CD81: variants seen among roughly 807,000 people sequenced by gnomAD.
CD81 encodes the protein CD81 antigen.
A neutral mutation model predicts 30.1 loss-of-function variants in CD81; 10 were observed. That is an observed-to-expected ratio of 0.33 (90% CI 0.21 to 0.56). The LOEUF is 0.56. Among genes scored for constraint, CD81 ranks in the 20% least tolerant of loss-of-function variants. The probability of loss-of-function intolerance (pLI) is 0.89; values close to 1 mark genes in which losing one functional copy is unlikely to be tolerated. For synonymous variants in CD81, 147 were observed against 126.4 expected (o/e 1.16, Z -1.10); for missense variants, 263 against 308.7 (o/e 0.85, Z 1.11).
intron 1 of CD81, chr11:2,384,583 G>T: frequency 6.1e-6 from 1 of 163,762 alleles, no homozygotes; most frequent in African/African-American, 2.4e-5. Context: ...CCGGCCACTT[G>T]GGAGGCGGGG....
chr11:2,386,179 T>A, intron 1 of CD81: 1 of 717,350 alleles, frequency 1.4e-6, no homozygotes. Flanking sequence ...TTCATGTGCT[T>A]TTTTGCTGTG....
intron 1 of CD81, chr11:2,390,104 T>C (rs1849871017): frequency 9.8e-6 from 5 of 508,206 alleles, no homozygotes; most frequent in Admixed American, 6.4e-5. Context: ...TAAAGAAGTA[T>C]TCTGTTTTCA....
intron 6 of CD81, 152 bp from the exon 7 acceptor site, chr11:2,396,476 C>T (rs1018307432): frequency 6.8e-6 from 5 of 738,374 alleles, no homozygotes; most frequent in African/African-American, 1.7e-5. Context: ...CGGGCCGCTG[C>T]ACCCGCCTGT....
chr11:2,395,088 G>C lies in CD81; in HGVS notation c.354+42G>C, dbSNP rs770050563. 9.3e-6 allele frequency: 14 copies of C among 1,504,908 alleles called. No homozygotes were observed. In the African/African-American group the frequency reaches 9.6e-5, roughly 10 times the overall value. The allele number at this position is 1,504,908 out of a possible 1,614,324, so 93.2% of individuals were successfully genotyped here. A position where few individuals can be genotyped will look rare whatever the true frequency, so the allele number is the denominator to read the frequency against. On this transcript the variant is annotated intron_variant, in intron 4 of 7. Transcript: ENST00000263645. Reference sequence around the variant, plus strand: ...AGGGACAGGGTGGGGTGGGTGACGGGGGCACCCTCCTCTCCTGTCGCGGGT... The same window carrying C: ...AGGGACAGGGTGGGGTGGGTGACGGCGGCACCCTCCTCTCCTGTCGCGGGT...
In CD81 at chr11:2,378,595, G is replaced by GAA. The variant is rs149245999; in HGVS notation, c.66+980_66+981insAA. On this transcript the variant is annotated intron_variant, in intron 1 of 7. Transcript: ENST00000263645. The surrounding 1 kb of genome is among the most constrained non-coding windows in gnomAD (Gnocchi z 4.9). Reference sequence around the variant, plus strand: ...CGCCTTTTGTTTCCATTTCCTGTCGGTGTTAGAATTGGGGAGGGGGTGGAA... The same window carrying GAA: ...CGCCTTTTGTTTCCATTTCCTGTCGGAATGTTAGAATTGGGGAGGGGGTGGAA... Among the ~76,000 whole-genome samples, 4,543 of 152,284 alleles carry GAA rather than the reference G, an allele frequency of 0.03. 237 individuals carry two copies. The highest frequency in any genetic ancestry group is 0.1 in the African/African-American group (4,258 of 41,538).
rs1589853586 is a variant in CD81 at position 2,394,966 on chromosome 11, C to T, written c.280-6C>T. The stretch of plus-strand genomic sequence containing the variant: ...TTTCCTCCCTCTGGCCACTGCCCGG[C>T]TCCAGTTCTTCACCTGCCTGGTCAT... On this transcript the variant is annotated splice_region_variant and splice_polypyrimidine_tract_variant and intron_variant, in intron 3 of 7. Coordinates refer to ENST00000263645, the MANE Select transcript of CD81 (RefSeq NM_004356.4). 2 of 1,612,516 alleles carry T rather than the reference C, an allele frequency of 1.2e-6. No individual in the cohort carries two copies. Among genetic ancestry groups the T allele is most frequent in the Non-Finnish European group, 1.7e-6 (2 of 1,179,832 alleles).
chr11:2,386,380 C>T lies in CD81; in HGVS notation c.67-4032C>T, dbSNP rs183022668. On this transcript the variant is annotated intron_variant, in intron 1 of 7. Coordinates refer to ENST00000263645, the MANE Select transcript of CD81 (RefSeq NM_004356.4). ...TTCCTGACTCTGGGGAACCTCTAGC[C>T]CTGCCACATGGGGTTTGTTATGGGG... 11 of 632,416 alleles carry T rather than the reference C, an allele frequency of 1.7e-5. No homozygotes were observed. The Admixed American group carries it at 1.9e-4, about 11-fold the overall frequency. The allele number at this position is 632,416 out of a possible 1,614,324, so 39.2% of individuals were successfully genotyped here.
chr11:2,393,850 G>T (rs1230873800), intron 2 of CD81: 5 of 671,610 alleles, frequency 7.4e-6, no homozygotes, highest in Non-Finnish European at 1.4e-5. Flanking sequence ...GAGCGCTCAT[G>T]AGGTGCCCAG....
rs903104198 is a variant in CD81 at position 2,381,026 on chromosome 11, TC to T, written c.66+3413del. Among the ~76,000 whole-genome samples, 9 of 152,276 alleles carry T rather than the reference TC, an allele frequency of 5.9e-5. 1 individual carries two copies. In the East Asian group the frequency reaches 1.2e-3, roughly 20 times the overall value. On this transcript the variant is annotated intron_variant, in intron 1 of 7. Coordinates refer to ENST00000263645, the MANE Select transcript of CD81 (RefSeq NM_004356.4). ...CATTTGGCACGTCTTTCGCCGTCCT[TC>T]CGGGAGAGGGGCTGCAACCCTGGCA...
intron 3 of CD81, 161 bp from the exon 4 acceptor site, chr11:2,394,811 G>A: frequency 1.4e-6 from 1 of 719,266 alleles, no homozygotes. Context: ...TAGCCTCTGT[G>A]CCCCAGGGCT....
intron 4 of CD81, 39 bp downstream of exon 4, chr11:2,395,085 C>A: frequency 2.0e-6 from 3 of 1,510,694 alleles, no homozygotes; most frequent in Non-Finnish European, 2.8e-6. Context: ...GGGTGGGTGA[C>A]GGGGGCACCC....
intron 6 of CD81, chr11:2,396,198 TG>T: frequency 4.9e-6 from 3 of 606,490 alleles, no homozygotes; most frequent in East Asian, 5.7e-5. Context: ...GTGGAGGCTC[TG>T]GGGGGTGGGA....
At chr11:2,390,564 G>T (rs1184914086) in intron 2 of CD81, 38 bp downstream of exon 2, 2 of 1,434,230 alleles carry the variant, frequency 1.4e-6, no homozygotes. Flanking sequence ...TTCAGGGAGG[G>T]CTTCTAGGAG....
Position 2,397,116 on chromosome 11 carries a change from T to C in CD81, c.*250T>C. The C allele has an allele frequency of 1.8e-6, 1 of 547,916 alleles. No individual in the cohort carries two copies. Among genetic ancestry groups the C allele is most frequent in the East Asian group, 3.1e-5 (1 of 32,064 alleles). 33.9% of individuals were successfully genotyped at this position (547,916 alleles called of 1,614,324 possible). ...TTGGGGACTGGAGGGCAGGGGTCCT[T>C]CTGCCCTGGGGTCCCAGGGTGCTCT... On this transcript the variant is annotated 3_prime_UTR_variant, in exon 8 of 8. Transcript: ENST00000263645.
At chr11:2,393,817 G>GA (rs1003915527) in intron 2 of CD81, 3 of 632,588 alleles carry the variant, frequency 4.7e-6, no homozygotes, top group African/African-American at 3.6e-5. Context: ...TCATCCCTGC[G>GA]AAGCACCTGT....
At chr11:2,395,568 G>C (rs777767472) in intron 5 of CD81, 48 bp downstream of exon 5, 4 of 1,452,658 alleles carry the variant, frequency 2.8e-6, no homozygotes, top group Admixed American at 1.7e-5. Flanking sequence ...CGGGAACCCG[G>C]CGGGGTGTGT....
At chr11:2,386,792 C>T (rs138566836) in intron 1 of CD81, among the ~76,000 whole-genome samples, 1,855 of 152,354 alleles carry the variant, frequency 0.012, 32 homozygotes, top group African/African-American at 0.042. Context: ...CCTCCTGGCC[C>T]AGCTGTTCTG....
chr11:2,396,158 G>T, intron 6 of CD81, 188 bp downstream of exon 6: 1 of 648,658 alleles, frequency 1.5e-6, no homozygotes, highest in Non-Finnish European at 2.8e-6. Flanking sequence ...GAAGGCAGGC[G>T]CCCTGTGCTG....
At chr11:2,393,601 G>A in intron 2 of CD81, 1 of 490,360 alleles carries the variant, frequency 2.0e-6, no homozygotes, top group Non-Finnish European at 3.7e-6. Context: ...CACCACACTG[G>A]GGAGGCAGCA....
Sources: allele counts gnomAD v4.1 joint callset (sites outside exome capture counted in the v4.1 genomes callset), GRCh38; gene constraint gnomAD v4.1.1; non-coding constraint Gnocchi (gnomAD v3.1); transcripts MANE v1.5; gene names NCBI Gene and HGNC (gene_info 2026-07-23, HGNC 2026-07-21).